The following OTOA variants were observed in gnomAD, a reference collection of about 807,000 sequenced individuals.
OTOA encodes the protein otoancorin.
Under a neutral mutation model 110.8 loss-of-function variants are expected in OTOA, and 70 were observed. The ratio of observed to expected loss-of-function variants is 0.63; its 90% CI spans 0.52 to 0.77. The LOEUF (loss-of-function observed/expected upper bound fraction) is 0.77. Among genes scored for constraint, OTOA ranks in the 30% least tolerant of loss-of-function variants. The probability of loss-of-function intolerance (pLI) is 0.00; values close to 1 mark genes in which losing one functional copy is unlikely to be tolerated. For missense variants in OTOA, 917 were observed against 1,075.8 expected, an observed-to-expected ratio of 0.85 and a Z score of 2.06; for synonymous variants, 373 against 431.5, an observed-to-expected ratio of 0.86 and a Z score of 1.68.
rs371489343 is a variant in OTOA, at chr16:21,728,191, G to T, written c.2017-50G>T. 5 of 1,609,440 alleles carry T rather than the reference G, an allele frequency of 3.1e-6. No homozygotes were observed. In the South Asian group the frequency reaches 5.5e-5, roughly 18 times the overall value. The stretch of plus-strand genomic sequence containing the variant: ...ACAGGATGTGTTTCTAATGGCTCAC[G>T]ATCTTATGCTCTGTTGGAACTGCCC... On this transcript the variant is annotated intron_variant, in intron 19 of 28. Transcript: ENST00000646100.
intron 19 of OTOA, 58 bp from the exon 20 acceptor site, chr16:21,728,183 T>G: frequency 6.2e-7 from 1 of 1,605,762 alleles, no homozygotes. Flanking sequence ...GTGTTTCTAA[T>G]GGCTCACGAT....
intron 14 of OTOA, among the ~76,000 whole-genome samples, chr16:21,716,389 G>A (rs536247581): frequency 6.6e-6 from 1 of 152,212 alleles, no homozygotes; most frequent in African/African-American, 2.4e-5. Context: ...GGCCAACATG[G>A]TGAAACCCCG....
intron 10 of OTOA, among the ~76,000 whole-genome samples, 199 bp downstream of exon 10, chr16:21,698,074 T>C (rs528770127): frequency 6.6e-6 from 1 of 152,256 alleles, no homozygotes; most frequent in African/African-American, 2.4e-5. Context: ...TGTTTTAGTG[T>C]GGAAGGGCTA....
At chr16:21,671,501 C>T (rs1020656693) in intron 1 of OTOA, among the ~76,000 whole-genome samples, 6 of 149,142 alleles carry the variant, frequency 4.0e-5, no homozygotes, top group African/African-American at 1.2e-4. Flanking sequence ...GCAGAAGAAT[C>T]GCTTGAACCT....
chr16:21,705,324 T>C, intron 12 of OTOA, 32 bp downstream of exon 12: 1 of 1,612,964 alleles, frequency 6.2e-7, no homozygotes, highest in Non-Finnish European at 8.5e-7. Context: ...CTGAGGCCTC[T>C]GCCTCAGTGT....
intron 17 of OTOA, among the ~76,000 whole-genome samples, chr16:21,720,490 G>A (rs1898696275): frequency 6.6e-6 from 1 of 152,202 alleles, no homozygotes; most frequent in Admixed American, 6.5e-5. Flanking sequence ...ACAGGAATAT[G>A]CAAAGTTTTA....
intron 1 of OTOA, among the ~76,000 whole-genome samples, chr16:21,676,342 A>G (rs1156997439): frequency 6.7e-6 from 1 of 150,336 alleles, no homozygotes; most frequent in Non-Finnish European, 1.5e-5. Flanking sequence ...ATACTGCTTT[A>G]AATATTGTTG....
chr16:21,716,310 G>A (rs1294860006), intron 14 of OTOA, among the ~76,000 whole-genome samples: 12 of 151,754 alleles, frequency 7.9e-5, no homozygotes, highest in Admixed American at 5.3e-4. Context: ...GGTGGCTCAC[G>A]CCTGTAATCG....
chr16:21,690,362 A>G (rs1324836472), intron 8 of OTOA, among the ~76,000 whole-genome samples: 2 of 151,304 alleles, frequency 1.3e-5, no homozygotes, highest in Non-Finnish European at 2.9e-5. Flanking sequence ...CCCCCACAAT[A>G]GGACCCAGTG....
At chr16:21,719,791 G>A (rs920469791) in intron 17 of OTOA, among the ~76,000 whole-genome samples, 3 of 152,070 alleles carry the variant, frequency 2.0e-5, no homozygotes, top group African/African-American at 4.8e-5. Context: ...TTATGTTCCC[G>A]TGGGATGGAA....
chr16:21,684,739 T>TTATTATTAA (rs1194596041), intron 6 of OTOA, among the ~76,000 whole-genome samples: 1 of 61,892 alleles, frequency 1.6e-5, no homozygotes, highest in East Asian at 3.5e-4. Context: ...ATTATTATTA[T>TTATTATTAA]TATTATTATT....
chr16:21,680,785 G>A lies in OTOA; in HGVS notation c.180-953G>A, dbSNP rs147712987. ...GGAGAATCGCTTGAACCTGGGAGGC[G>A]GAGGTTGCAGTGAGCTGAGATTGCA... On this transcript the variant is annotated intron_variant, in intron 5 of 28. Coordinates refer to ENST00000646100, the MANE Select transcript of OTOA (RefSeq NM_144672.4). Among the ~76,000 whole-genome samples the A allele has an allele frequency of 8.0e-3, 1,198 of 150,504 alleles. 31 individuals carry two copies. The highest frequency in any genetic ancestry group is 0.053 in the East Asian group (268 of 5,082).
chr16:21,728,190 C>T lies in OTOA; in HGVS notation c.2017-51C>T, dbSNP rs369220404. 2.7e-5 allele frequency: 43 copies of T among 1,608,238 alleles called. 1 individual carries two copies. Among genetic ancestry groups the T allele is most frequent in the African/African-American group, 4.0e-5 (3 of 74,784 alleles). On this transcript the variant is annotated intron_variant, in intron 19 of 28. Transcript: ENST00000646100. ...CACAGGATGTGTTTCTAATGGCTCA[C>T]GATCTTATGCTCTGTTGGAACTGCC... is the stretch of plus-strand genomic sequence containing the variant.
chr16:21,673,161 A>G (rs1966851597), intron 1 of OTOA, among the ~76,000 whole-genome samples: 1 of 152,156 alleles, frequency 6.6e-6, no homozygotes, highest in Non-Finnish European at 1.5e-5. Flanking sequence ...AGAAAATAAA[A>G]AAGAATTTGA....
chr16:21,696,115 G>C (rs761397034), intron 9 of OTOA, among the ~76,000 whole-genome samples: 27 of 151,474 alleles, frequency 1.8e-4, no homozygotes, highest in African/African-American at 6.1e-4. Flanking sequence ...GTATGCTCTC[G>C]ATCTCCTGAC....
chr16:21,708,368 C>T (rs1410438410), intron 12 of OTOA, among the ~76,000 whole-genome samples: 3 of 152,128 alleles, frequency 2.0e-5, no homozygotes, highest in African/African-American at 7.2e-5. Flanking sequence ...GGCGGTAATG[C>T]TCACTGGCCT....
intron 18 of OTOA, among the ~76,000 whole-genome samples, chr16:21,724,256 A>G (rs961938954): frequency 6.6e-6 from 1 of 152,128 alleles, no homozygotes; most frequent in African/African-American, 2.4e-5. Flanking sequence ...AGGGATAATG[A>G]GGACTGGACA....
chr16:21,725,898 T>C (rs1302471482), intron 18 of OTOA, among the ~76,000 whole-genome samples: 1 of 152,160 alleles, frequency 6.6e-6, no homozygotes, highest in Admixed American at 6.5e-5. Flanking sequence ...ATAACAGTCT[T>C]TTTTATCTCC....
intron 8 of OTOA, among the ~76,000 whole-genome samples, chr16:21,689,797 T>C (rs1897792013): frequency 6.6e-6 from 1 of 152,132 alleles, no homozygotes; most frequent in Admixed American, 6.6e-5. Context: ...GTGATTCTCC[T>C]GTCTCAGCCT....
Sources: allele counts gnomAD v4.1 joint callset (sites outside exome capture counted in the v4.1 genomes callset), GRCh38; gene constraint gnomAD v4.1.1; transcripts MANE v1.5; gene names NCBI Gene and HGNC (gene_info 2026-07-23, HGNC 2026-07-21).